Variants in FBXL14 observed in about 807,000 individuals in gnomAD.
FBXL14 encodes the protein F-box/LRR-repeat protein 14.
Under a neutral mutation model 24.5 loss-of-function variants are expected in FBXL14, and 11 were observed. The ratio of observed to expected loss-of-function variants is 0.45; its 90% confidence interval spans 0.28 to 0.74. The LOEUF is 0.74. FBXL14 is among the 30% of genes least tolerant of loss of function. The pLI is 0.12. For missense variants in FBXL14, 384 were observed against 545.6 expected (o/e 0.70, Z 2.95); for synonymous variants, 294 against 240.4 (o/e 1.22, Z -2.06).
chr12:1,575,526 G>C (rs2094454195), intron 1 of FBXL14, among the ~76,000 whole-genome samples: 1 of 152,156 alleles, frequency 6.6e-6, no homozygotes, highest in Admixed American at 6.5e-5. Flanking sequence ...TTCCTCACTG[G>C]TCAGTGATAC....
At chr12:1,577,745 C>A (rs896677286) in intron 1 of FBXL14, among the ~76,000 whole-genome samples, 1 of 152,224 alleles carries the variant, frequency 6.6e-6, no homozygotes, top group African/African-American at 2.4e-5. Context: ...TTCAGGTGAC[C>A]AGGCATGGAG....
chr12:1,593,578 G>T lies in FBXL14; in HGVS notation c.489C>A (p.Leu163=), dbSNP rs2094495302. Residue 163 remains leucine, a synonymous_variant, in exon 1 of 2, where the codon CTC becomes CTA. Transcript: ENST00000339235. This position sits in a 1 kb window ranked among gnomAD's most constrained non-coding sequence, Gnocchi z 7.4. ...CSNITNTGLL[L]IAWGLQRLKS... is the part of the protein sequence containing the mutation. The stretch of plus-strand genomic sequence containing the variant: ...TGAGGCGCTGCAGACCCCAGGCGAT[G>T]AGCAGAAGGCCAGTGTTGGTGATGT... 6.2e-7 allele frequency: 1 copy of T among 1,614,186 alleles called. No homozygotes were observed. The highest frequency in any genetic ancestry group is 1.7e-5 in the Admixed American group (1 of 60,034).
Position 1,593,700 on chromosome 12 carries a change from T to A in FBXL14, c.367A>T (p.Asn123Tyr). Residue 123 changes from asparagine to tyrosine, a missense_variant, in exon 1 of 2, where the codon AAC becomes TAC. Physicochemically the swap from Asn to Tyr is moderately radical, Grantham distance 143. Transcript: ENST00000339235. This position sits in a 1 kb window ranked among gnomAD's most constrained non-coding sequence, Gnocchi z 7.4. ...GTGATCTGCTTGCAGAGGCTCAGGT[T>A]GAGAGCGCGCAGGGAGCCGATCTCC... The part of the protein sequence containing the change: ...VQEIGSLRAL[N>Y]LSLCKQITDS... 1 of 1,614,086 alleles carries A rather than the reference T, an allele frequency of 6.2e-7. No individual in the cohort carries two copies. Among genetic ancestry groups the A allele is most frequent in the South Asian group, 1.1e-5 (1 of 91,074 alleles).
At chr12:1,583,607 G>A (rs762328225) in intron 1 of FBXL14, among the ~76,000 whole-genome samples, 56 of 152,302 alleles carry the variant, frequency 3.7e-4, no homozygotes, top group Non-Finnish European at 2.1e-4. Context: ...TTGTTAGATG[G>A]GAGGAGGTTG....
At chr12:1,584,750 G>A (rs2094473113) in intron 1 of FBXL14, among the ~76,000 whole-genome samples, 2 of 152,212 alleles carry the variant, frequency 1.3e-5, no homozygotes, top group Admixed American at 1.3e-4. Context: ...AAGTAAATTA[G>A]GAAAGGTAGA....
At chr12:1,566,842 G>T in intron 1 of FBXL14, 32 bp from the exon 2 acceptor site, 1 of 780,376 alleles carries the variant, frequency 1.3e-6, no homozygotes, top group Non-Finnish European at 2.4e-6. Context: ...GGACCATTTT[G>T]AAAGAGACTG....
Position 1,566,874 on chromosome 12 carries a change from G to A in FBXL14, c.1195-64C>T, listed in dbSNP as rs192268208. ...ACTGCCGCACTCTGCTCTTCCTAAC[G>A]AGGTCGCCTCCCCTAACCCCACCGC... On this transcript the variant is annotated intron_variant, in intron 1 of 1. Coordinates refer to ENST00000339235, the MANE Select transcript of FBXL14 (RefSeq NM_152441.3). The A allele has an allele frequency of 4.4e-5, 34 of 771,024 alleles. No individual in the cohort carries two copies. The Middle Eastern group carries it at 9.1e-4, about 21-fold the overall frequency. 47.8% of individuals were successfully genotyped at this position (771,024 alleles called of 1,614,324 possible). A position where few individuals can be genotyped will look rare whatever the true frequency, so the allele number is the denominator to read the frequency against.
chr12:1,580,124 A>G (rs1039760378), intron 1 of FBXL14, among the ~76,000 whole-genome samples: 1 of 152,224 alleles, frequency 6.6e-6, no homozygotes, highest in African/African-American at 2.4e-5. Flanking sequence ...TGTCGAGGGA[A>G]GGGTCAGTGC....
chr12:1,573,550 G>A lies in FBXL14; in HGVS notation c.1195-6740C>T, dbSNP rs941564157. Among the ~76,000 whole-genome samples, 20 of 152,282 alleles carry A rather than the reference G, an allele frequency of 1.3e-4. No individual in the cohort carries two copies. The South Asian group carries it at 1.7e-3, about 13-fold the overall frequency. The stretch of plus-strand genomic sequence containing the variant: ...GTAACATTGCGGGGCCAGAAGTGCC[G>A]ATACCGGAGGCTCAGGCAGCTGAGG... On this transcript the variant is annotated intron_variant, in intron 1 of 1. Transcript: ENST00000339235.
chr12:1,566,900 G>T, intron 1 of FBXL14, 90 bp from the exon 2 acceptor site: 1 of 716,174 alleles, frequency 1.4e-6, no homozygotes. Flanking sequence ...ACCCCACCGC[G>T]GCTTTATCAG....
chr12:1,568,603 A>G (rs937480083), intron 1 of FBXL14, among the ~76,000 whole-genome samples: 1 of 152,196 alleles, frequency 6.6e-6, no homozygotes, highest in Admixed American at 6.5e-5. Context: ...GTGTAAGGGA[A>G]ATGAGTGACA....
intron 1 of FBXL14, among the ~76,000 whole-genome samples, chr12:1,577,193 C>T (rs2094457588): frequency 6.6e-6 from 1 of 152,204 alleles, no homozygotes; most frequent in Non-Finnish European, 1.5e-5. Context: ...TGGGGGCCTG[C>T]CCTGTGTGGA....
intron 1 of FBXL14, among the ~76,000 whole-genome samples, chr12:1,583,530 T>A (rs938848722): frequency 6.6e-6 from 1 of 152,248 alleles, no homozygotes; most frequent in Non-Finnish European, 1.5e-5. Flanking sequence ...ATTCCTCATT[T>A]GTCAACTCTT....
At chr12:1,571,203 TG>T (rs769450890) in intron 1 of FBXL14, among the ~76,000 whole-genome samples, 1,425 of 80,812 alleles carry the variant, frequency 0.018, 15 homozygotes, top group Non-Finnish European at 0.032. Flanking sequence ...GGGTTTTTTT[TG>T]TTTGTTTGTT....
At chr12:1,587,808 C>A (rs987076298) in intron 1 of FBXL14, among the ~76,000 whole-genome samples, 4 of 152,184 alleles carry the variant, frequency 2.6e-5, no homozygotes, top group Non-Finnish European at 5.9e-5. Context: ...CAAGTCTGAG[C>A]TTAGGTTTGA....
rs868325405 is a variant in FBXL14 at position 1,594,306 on chromosome 12, G to C, written c.-240C>G. 1.3e-5 allele frequency: 2 copies of C among 158,106 alleles called. No individual in the cohort carries two copies. The highest frequency in any genetic ancestry group is 2.7e-5 in the Non-Finnish European group (2 of 73,836). The allele number at this position is 158,106 out of a possible 1,614,324, so 9.8% of individuals were successfully genotyped here. ...CTCCGGCCCGGCCCTCCCCCGCCCC[G>C]GGCTCCGCACGGCGCTCACATCCCG... On this transcript the variant is annotated 5_prime_UTR_variant, in exon 1 of 2. Coordinates refer to ENST00000339235, the MANE Select transcript of FBXL14 (RefSeq NM_152441.3).
chr12:1,591,172 T>C (rs921816801), intron 1 of FBXL14, among the ~76,000 whole-genome samples: 2 of 152,174 alleles, frequency 1.3e-5, no homozygotes, highest in South Asian at 2.1e-4. Flanking sequence ...AAACAAAACA[T>C]GTCAGTAGTA....
chr12:1,590,928 ACT>A (rs1333591497), intron 1 of FBXL14, among the ~76,000 whole-genome samples: 1 of 151,450 alleles, frequency 6.6e-6, no homozygotes, highest in African/African-American at 2.4e-5. Context: ...CCCCACACCC[ACT>A]CTCAGGGTAA....
intron 1 of FBXL14, among the ~76,000 whole-genome samples, chr12:1,589,328 G>A (rs374188820): frequency 1.4e-5 from 2 of 143,256 alleles, no homozygotes; most frequent in African/African-American, 5.2e-5. Flanking sequence ...AACCTGGGAA[G>A]TCAAGGCTGC....
Sources: allele counts gnomAD v4.1 joint callset (sites outside exome capture counted in the v4.1 genomes callset), GRCh38; gene constraint gnomAD v4.1.1; non-coding constraint Gnocchi (gnomAD v3.1); transcripts MANE v1.5; gene names NCBI Gene and HGNC (gene_info 2026-07-23, HGNC 2026-07-21).